Variants in ACER3 observed in about 807,000 individuals in gnomAD.
ACER3 encodes the protein alkaline ceramidase 3.
ACER3 carries 16 observed loss-of-function variants against 48.9 expected under a neutral mutation model. The ratio of observed to expected loss-of-function variants is 0.33; its 90% CI spans 0.22 to 0.50. ACER3 has a LOEUF of 0.50. Among genes scored for constraint, ACER3 ranks in the 20% least tolerant of loss-of-function variants. ACER3 has a pLI of 0.98. For missense variants in ACER3, 227 were observed against 326.0 expected (o/e 0.70, Z 2.34); for synonymous variants, 109 against 107.8 (o/e 1.01, Z -0.07).
At chr11:76,868,385 C>G (rs113895939) in intron 1 of ACER3, 22,564 of 538,308 alleles carry the variant, frequency 0.042, 993 homozygotes, top group East Asian at 0.25. Flanking sequence ...ATCTCTCTCT[C>G]TCTCTCTGTG....
chr11:77,004,378 T>G (rs1254028632), intron 7 of ACER3, among the ~76,000 whole-genome samples: 1 of 152,246 alleles, frequency 6.6e-6, no homozygotes, highest in Non-Finnish European at 1.5e-5. Flanking sequence ...GAGCCAGTCC[T>G]TTCTTTGAAA....
chr11:76,987,851 G>A (rs1021804739), intron 5 of ACER3, among the ~76,000 whole-genome samples: 1 of 152,164 alleles, frequency 6.6e-6, no homozygotes, highest in Non-Finnish European at 1.5e-5. Flanking sequence ...GAGGTGAGAG[G>A]ATTGCTTGAG....
chr11:76,888,409 T>G (rs900609899), intron 1 of ACER3, among the ~76,000 whole-genome samples: 1 of 152,224 alleles, frequency 6.6e-6, no homozygotes. Flanking sequence ...TATTTATATA[T>G]GGGAATACAC....
chr11:77,002,779 A>G (rs771008701), intron 7 of ACER3, among the ~76,000 whole-genome samples: 4 of 152,188 alleles, frequency 2.6e-5, no homozygotes, highest in Non-Finnish European at 5.9e-5. Context: ...ATAAAGGAAA[A>G]TCTGACACCT....
chr11:76,944,990 T>A (rs1413759985), intron 2 of ACER3, among the ~76,000 whole-genome samples: 1 of 151,990 alleles, frequency 6.6e-6, no homozygotes, highest in Admixed American at 6.6e-5. Flanking sequence ...CTTGGTCTAG[T>A]CTATTATTGA....
chr11:76,882,251 C>T (rs529594993), intron 1 of ACER3, among the ~76,000 whole-genome samples: 16 of 74,016 alleles, frequency 2.2e-4, no homozygotes, highest in African/African-American at 6.5e-4. Context: ...GTAATCTGCC[C>T]GCGTCAACTG....
chr11:76,980,952 T>C (rs775582645), intron 4 of ACER3, among the ~76,000 whole-genome samples: 8 of 152,160 alleles, frequency 5.3e-5, no homozygotes, highest in Non-Finnish European at 8.8e-5. Context: ...AACTGGGAAA[T>C]TAAGTAAGAA....
chr11:76,903,391 A>ATTCAATT (rs1168142480), intron 1 of ACER3, among the ~76,000 whole-genome samples: 2 of 152,130 alleles, frequency 1.3e-5, no homozygotes, highest in African/African-American at 4.8e-5. Flanking sequence ...TCTGCCCAGC[A>ATTCAATT]TTCAATTTAA....
intron 2 of ACER3, among the ~76,000 whole-genome samples, chr11:76,930,126 A>G (rs1372540317): frequency 2.0e-5 from 3 of 151,978 alleles, no homozygotes; most frequent in South Asian, 4.2e-4. Context: ...GTAGGCTATT[A>G]TTGCGTCAAT....
intron 1 of ACER3, among the ~76,000 whole-genome samples, chr11:76,908,199 G>A (rs747836436): frequency 3.9e-5 from 6 of 152,220 alleles, no homozygotes; most frequent in African/African-American, 7.2e-5. Context: ...TCGTGCCACT[G>A]CACTCTAGCC....
At chr11:76,918,581 A>C (rs1946600834) in intron 1 of ACER3, among the ~76,000 whole-genome samples, 1 of 151,994 alleles carries the variant, frequency 6.6e-6, no homozygotes, top group South Asian at 2.1e-4. Context: ...TCAAGAGTAC[A>C]TGTGCAAGTT....
At chr11:76,937,991 T>G (rs1203399549) in intron 2 of ACER3, among the ~76,000 whole-genome samples, 1 of 152,112 alleles carries the variant, frequency 6.6e-6, no homozygotes, top group Non-Finnish European at 1.5e-5. Flanking sequence ...CATCTTAGGA[T>G]TTTGTTTTTT....
intron 1 of ACER3, among the ~76,000 whole-genome samples, chr11:76,913,538 C>T (rs569603177): frequency 2.0e-4 from 24 of 120,502 alleles, no homozygotes; most frequent in African/African-American, 3.7e-4. Context: ...TTTTGAGATA[C>T]GTCCCATCAA....
rs1949538397 is a variant in ACER3 at position 77,025,460 on chromosome 11, T to G, written c.*5133T>G. 1 of 149,834 alleles carries G rather than the reference T, an allele frequency of 6.7e-6. No individual in the cohort carries two copies. Among genetic ancestry groups the G allele is most frequent in the Non-Finnish European group, 1.5e-5 (1 of 67,828 alleles). The allele number at this position is 149,834 out of a possible 1,614,324, so 9.3% of individuals were successfully genotyped here. A position where few individuals can be genotyped will look rare whatever the true frequency, so the allele number is the denominator to read the frequency against. Reference sequence around the variant, plus strand: ...TCTCTCTCTGTCACCCACGCTGGAGTGCAGTGGCAGGATCTCAACTCATTG... The same window carrying G: ...TCTCTCTCTGTCACCCACGCTGGAGGGCAGTGGCAGGATCTCAACTCATTG... On this transcript the variant is annotated 3_prime_UTR_variant, in exon 11 of 11. Coordinates refer to ENST00000532485, the MANE Select transcript of ACER3 (RefSeq NM_018367.7).
intron 2 of ACER3, among the ~76,000 whole-genome samples, chr11:76,946,521 ACT>A (rs1392888604): frequency 6.6e-6 from 1 of 151,770 alleles, no homozygotes; most frequent in Non-Finnish European, 1.5e-5. Context: ...CCAGCATTAA[ACT>A]CTCAATATGG....
chr11:76,926,764 A>C, intron 2 of ACER3, 97 bp downstream of exon 2: 1 of 748,154 alleles, frequency 1.3e-6, no homozygotes, highest in Non-Finnish European at 2.2e-6. Flanking sequence ...GTGTTATTAC[A>C]TAACTTGAAT....
At chr11:76,924,128 A>C (rs1946756745) in intron 1 of ACER3, among the ~76,000 whole-genome samples, 1 of 151,988 alleles carries the variant, frequency 6.6e-6, no homozygotes, top group African/African-American at 2.4e-5. Context: ...TACTCCAGGC[A>C]GTAAGGTAGG....
chr11:77,025,419 T>TATATATATATA lies in ACER3; in HGVS notation c.*5092_*5093insATATATATATA, dbSNP rs1565236065. 1.4e-5 allele frequency: 2 copies of TATATATATATA among 147,884 alleles called. No individual in the cohort carries two copies. The highest frequency in any genetic ancestry group is 6.7e-5 in the Admixed American group (1 of 14,908). 9.2% of individuals were successfully genotyped at this position (147,884 alleles called of 1,614,324 possible). On this transcript the variant is annotated 3_prime_UTR_variant, in exon 11 of 11. Transcript: ENST00000532485. ...ATATATATATATATATATTTATTTATTTTTTTGAGACAGAGTCTCTCTCTG... is the reference window on the plus strand; with the variant it reads ...ATATATATATATATATATTTATTTATATATATATATATTTTTTGAGACAGAGTCTCTCTCTG...
At chr11:76,863,823 A>G (rs1945003087) in intron 1 of ACER3, among the ~76,000 whole-genome samples, 1 of 152,228 alleles carries the variant, frequency 6.6e-6, no homozygotes, top group South Asian at 2.1e-4. Flanking sequence ...TTGAAGTTCT[A>G]AGAAATAATT....
Sources: allele counts gnomAD v4.1 joint callset (sites outside exome capture counted in the v4.1 genomes callset), GRCh38; gene constraint gnomAD v4.1.1; transcripts MANE v1.5; gene names NCBI Gene and HGNC (gene_info 2026-07-23, HGNC 2026-07-21).